The following ZMIZ1 variants were observed in gnomAD, a reference collection of about 807,000 sequenced individuals.
The protein encoded by ZMIZ1 is zinc finger MIZ-type containing 1, also known as zinc finger MIZ domain-containing protein 1.
ZMIZ1 carries 17 observed loss-of-function variants against 113.9 expected under a neutral mutation model. The observed-to-expected ratio is 0.15, with a 90% CI of 0.10 to 0.22. ZMIZ1 has a LOEUF of 0.22. ZMIZ1 is among the 10% of genes least tolerant of loss of function. ZMIZ1 has a pLI of 1.00. For synonymous variants in ZMIZ1, 607 were observed against 603.1 expected, an observed-to-expected ratio of 1.01 and a Z score of -0.09; for missense variants, 1,059 against 1,477.8, an observed-to-expected ratio of 0.72 and a Z score of 4.65.
Position 79,313,221 on chromosome 10 carries a change from G to C in ZMIZ1, c.*472G>C, listed in dbSNP as rs1355551130. 1.3e-5 allele frequency: 2 copies of C among 159,976 alleles called. No homozygotes were observed. The highest frequency in any genetic ancestry group is 4.8e-5 in the African/African-American group (2 of 41,514). The allele number at this position is 159,976 out of a possible 1,614,324, so 9.9% of individuals were successfully genotyped here. On this transcript the variant is annotated 3_prime_UTR_variant, in exon 25 of 25. Transcript: ENST00000334512. The stretch of plus-strand genomic sequence containing the variant: ...TGAGAAGGCCCCCGGGCCCCAGCAT[G>C]GGCCCCGAGCCTTGGAGGAGCACTG...
chr10:79,230,722 A>T (rs981641682), intron 7 of ZMIZ1, among the ~76,000 whole-genome samples: 3 of 152,182 alleles, frequency 2.0e-5, no homozygotes, highest in Admixed American at 6.5e-5. Context: ...GATGCGGTGG[A>T]GGTGGTGCCT....
At chr10:79,070,631 C>T (rs1842238923) in intron 1 of ZMIZ1, among the ~76,000 whole-genome samples, 1 of 152,130 alleles carries the variant, frequency 6.6e-6, no homozygotes, top group Admixed American at 6.5e-5. Flanking sequence ...TCTGCCTTCC[C>T]TTCCCACCTC....
Position 79,310,989 on chromosome 10 carries a change from C to A in ZMIZ1, c.2901C>A (p.His967Gln). The change falls in exon 24 of 25, where the codon CAC becomes CAA. Residue 967 changes from histidine (H) to glutamine (Q), a missense_variant. Physicochemically the swap from His to Gln is conservative, Grantham distance 24. Transcript: ENST00000334512. Reference protein sequence around the residue: ...PSIQQGLHVPHPSSQSGPPLH... With the variant: ...PSIQQGLHVPQPSSQSGPPLH... Reference sequence around the variant, plus strand: ...TACAACAAGGTTTGCACGTACCACACCCCAGCAGCCAGTCAGGGCCTCCAT... The same window carrying A: ...TACAACAAGGTTTGCACGTACCACAACCCAGCAGCCAGTCAGGGCCTCCAT... 1 of 1,614,066 alleles carries A rather than the reference C, an allele frequency of 6.2e-7. No homozygotes were observed.
chr10:79,282,084 C>A (rs531864555), intron 8 of ZMIZ1, among the ~76,000 whole-genome samples: 1 of 152,228 alleles, frequency 6.6e-6, no homozygotes. Context: ...TCTCTCCTTG[C>A]AACCTTTAGG....
intron 7 of ZMIZ1, among the ~76,000 whole-genome samples, chr10:79,226,644 G>A (rs1201604623): frequency 6.6e-6 from 1 of 152,230 alleles, no homozygotes; most frequent in African/African-American, 2.4e-5. Flanking sequence ...CAGGGGATTC[G>A]AGGGTGTGAG....
At chr10:79,178,686 C>T (rs1420101037) in intron 4 of ZMIZ1, among the ~76,000 whole-genome samples, 1 of 152,208 alleles carries the variant, frequency 6.6e-6, no homozygotes, top group African/African-American at 2.4e-5. Context: ...CCTGCCCCAC[C>T]CCTCCCCCAC....
At position 79,115,519 on chromosome 10, in the gene ZMIZ1, C is replaced by A. The variant is rs571398864; in HGVS notation, c.-336-3396C>A. On this transcript the variant is annotated intron_variant, in intron 1 of 24. Coordinates refer to ENST00000334512, the MANE Select transcript of ZMIZ1 (RefSeq NM_020338.4). ...AGCATCATCGCTGGTACAGTGGAGA[C>A]CCTGAGGAAGGCAGAAAGATGGTGG... Among the ~76,000 whole-genome samples, 8 of 152,294 alleles carry A rather than the reference C, an allele frequency of 5.3e-5. No individual in the cohort carries two copies. In the East Asian group the frequency reaches 1.5e-3, roughly 29 times the overall value.
intron 3 of ZMIZ1, among the ~76,000 whole-genome samples, chr10:79,148,839 A>G (rs940248055): frequency 2.0e-5 from 3 of 148,904 alleles, no homozygotes; most frequent in Non-Finnish European, 4.4e-5. Context: ...TCTTAGGGCC[A>G]CAGACTTTAG....
At chr10:79,136,873 C>G (rs1796680105) in intron 2 of ZMIZ1, among the ~76,000 whole-genome samples, 1 of 151,770 alleles carries the variant, frequency 6.6e-6, no homozygotes, top group South Asian at 2.1e-4. Context: ...TGGGCACAGC[C>G]CTGGTGAAGG....
intron 2 of ZMIZ1, among the ~76,000 whole-genome samples, chr10:79,134,313 A>G (rs1844900200): frequency 6.6e-6 from 1 of 152,306 alleles, no homozygotes; most frequent in East Asian, 1.9e-4. Flanking sequence ...GAGGCCTAGC[A>G]CTTCCCAGCA....
At chr10:79,074,585 C>A (rs139729592) in intron 1 of ZMIZ1, among the ~76,000 whole-genome samples, 2 of 152,336 alleles carry the variant, frequency 1.3e-5, no homozygotes, top group East Asian at 1.9e-4. Context: ...GTGTTTCCAG[C>A]CCCCCGGGTC....
intron 4 of ZMIZ1, among the ~76,000 whole-genome samples, chr10:79,167,251 A>G (rs1195349865): frequency 6.6e-6 from 1 of 152,238 alleles, no homozygotes; most frequent in African/African-American, 2.4e-5. Context: ...TTCATTGATT[A>G]CATATTGGGA....
chr10:79,123,904 A>G (rs143996021), intron 2 of ZMIZ1, among the ~76,000 whole-genome samples: 2 of 152,238 alleles, frequency 1.3e-5, no homozygotes, highest in Admixed American at 1.3e-4. Context: ...CAGGGTCCGC[A>G]TATGGCATGC....
chr10:79,238,624 C>G (rs1026853127), intron 7 of ZMIZ1, among the ~76,000 whole-genome samples: 12 of 152,226 alleles, frequency 7.9e-5, no homozygotes, highest in Admixed American at 2.6e-4. Flanking sequence ...CATCACAGCT[C>G]TAATTGACTG....
intron 5 of ZMIZ1, among the ~76,000 whole-genome samples, chr10:79,202,469 A>G (rs540571811): frequency 7.8e-4 from 118 of 152,226 alleles, no homozygotes; most frequent in African/African-American, 2.6e-3. Flanking sequence ...AAAAGCCACA[A>G]GACAAGAGGT....
At chr10:79,243,135 G>GCTGGC (rs1204658235) in intron 7 of ZMIZ1, among the ~76,000 whole-genome samples, 1 of 151,412 alleles carries the variant, frequency 6.6e-6, no homozygotes, top group Non-Finnish European at 1.5e-5. Flanking sequence ...CCCCGCCGCG[G>GCTGGC]CTGGCCTGGC....
chr10:79,079,161 G>A (rs1489892553), intron 1 of ZMIZ1, among the ~76,000 whole-genome samples: 1 of 152,206 alleles, frequency 6.6e-6, no homozygotes. Flanking sequence ...ATCTGTTTGT[G>A]GTTGGGCAGT....
chr10:79,172,531 T>A (rs1846643479), intron 4 of ZMIZ1, among the ~76,000 whole-genome samples: 1 of 152,140 alleles, frequency 6.6e-6, no homozygotes, highest in Non-Finnish European at 1.5e-5. Flanking sequence ...CATCTCCATT[T>A]TATGGATGAG....
intron 6 of ZMIZ1, among the ~76,000 whole-genome samples, chr10:79,213,304 AG>A (rs1564528800): frequency 6.6e-6 from 1 of 152,206 alleles, no homozygotes; most frequent in South Asian, 2.1e-4. Flanking sequence ...GCTGGGCCAG[AG>A]GAACCCAGGG....
Sources: gnomAD v4.1 joint callset for allele counts (sites outside exome capture counted in the v4.1 genomes callset) on GRCh38, gnomAD v4.1.1 for gene constraint, MANE v1.5 for transcripts, NCBI Gene and HGNC (gene_info 2026-07-23, HGNC 2026-07-21) for gene names.